The following RALYL variants were observed in gnomAD, a reference collection of about 807,000 sequenced individuals.
The protein encoded by RALYL is RNA-binding Raly-like protein.
Under a neutral mutation model 35.1 loss-of-function variants are expected in RALYL, and 29 were observed. The observed-to-expected ratio is 0.83, with a 90% CI of 0.61 to 1.13. The LOEUF (loss-of-function observed/expected upper bound fraction) is 1.13, where lower values mean the gene tolerates loss of function less well. RALYL is among the 50% of genes most tolerant of loss of function. The probability of loss-of-function intolerance (pLI) is 0.00; values close to 1 mark genes in which losing one functional copy is unlikely to be tolerated. For synonymous variants in RALYL, 120 were observed against 127.6 expected (o/e 0.94, Z 0.40); for missense variants, 359 against 360.4 (o/e 1.00, Z 0.03).
Position 84,204,580 on chromosome 8 carries a change from G to T in RALYL, c.-24+20156G>T, listed in dbSNP as rs578259527. The stretch of plus-strand genomic sequence containing the variant: ...ACCCTGCTTTGTGTTCATCTGTTTG[G>T]TTTTTCTTGTTGTTGTTTCTACAAA... On this transcript the variant is annotated intron_variant, in intron 1 of 8. Coordinates refer to ENST00000521268, the MANE Select transcript of RALYL (RefSeq NM_173848.7). Among the ~76,000 whole-genome samples the T allele has an allele frequency of 6.6e-5, 10 of 152,082 alleles. No individual in the cohort carries two copies. The South Asian group carries it at 1.9e-3, about 28-fold the overall frequency.
chr8:84,258,074 A>G (rs983307212), intron 1 of RALYL, among the ~76,000 whole-genome samples: 3 of 152,128 alleles, frequency 2.0e-5, no homozygotes, highest in Non-Finnish European at 4.4e-5. Context: ...TTGAACTTGG[A>G]AACAGCTTAT....
chr8:84,392,330 A>G (rs143532229), intron 1 of RALYL, among the ~76,000 whole-genome samples: 14 of 152,170 alleles, frequency 9.2e-5, no homozygotes, highest in African/African-American at 2.9e-4. Context: ...CTAAAGATCA[A>G]TTAGTTAAAA....
At chr8:84,558,991 CA>C (rs1392180978) in intron 2 of RALYL, among the ~76,000 whole-genome samples, 1 of 152,082 alleles carries the variant, frequency 6.6e-6, no homozygotes, top group Non-Finnish European at 1.5e-5. Context: ...AAGCCTTCAT[CA>C]CATTTTCATG....
At chr8:84,225,854 A>G (rs1375028498) in intron 1 of RALYL, among the ~76,000 whole-genome samples, 1 of 152,158 alleles carries the variant, frequency 6.6e-6, no homozygotes, top group Non-Finnish European at 1.5e-5. Flanking sequence ...CTTTATTTCT[A>G]TTGTATTATT....
intron 5 of RALYL, among the ~76,000 whole-genome samples, chr8:84,858,552 A>C (rs760971624): frequency 6.6e-6 from 1 of 152,250 alleles, no homozygotes; most frequent in Non-Finnish European, 1.5e-5. Flanking sequence ...CTGGAGATTT[A>C]GATTCCATTT....
chr8:84,917,643 T>C lies in RALYL; in HGVS notation c.859-3251T>C, dbSNP rs556162356. 4.6e-5 allele frequency among the ~76,000 whole-genome samples: 7 copies of C among 151,582 alleles called. No homozygotes were observed. The South Asian group carries it at 1.5e-3, about 32-fold the overall frequency. ...TTTTCTGATTCACTGTCCTATACTC[T>C]AAATGGCCATCAACTCAGGAATAGA... On this transcript the variant is annotated intron_variant, in intron 8 of 8. Coordinates refer to ENST00000521268, the MANE Select transcript of RALYL (RefSeq NM_173848.7).
At chr8:84,792,572 G>A (rs191977696) in intron 3 of RALYL, among the ~76,000 whole-genome samples, 47 of 152,292 alleles carry the variant, frequency 3.1e-4, no homozygotes, top group African/African-American at 1.0e-3. Flanking sequence ...TTAGGGCCAC[G>A]GGTTTCCAGG....
intron 2 of RALYL, among the ~76,000 whole-genome samples, chr8:84,703,172 T>C (rs1410568175): frequency 6.6e-6 from 1 of 152,144 alleles, no homozygotes; most frequent in Non-Finnish European, 1.5e-5. Flanking sequence ...TACTGCAGCA[T>C]GGTGCTCATG....
chr8:84,650,314 C>T (rs146056446), intron 2 of RALYL, among the ~76,000 whole-genome samples: 1,534 of 151,954 alleles, frequency 0.01, 29 homozygotes, highest in African/African-American at 0.034. Context: ...ATTTTTGCAA[C>T]CTACTCATCT....
intron 4 of RALYL, among the ~76,000 whole-genome samples, chr8:84,833,128 A>G (rs1831252051): frequency 1.3e-5 from 2 of 152,116 alleles, no homozygotes; most frequent in African/African-American, 4.8e-5. Context: ...AAACAACCTT[A>G]TTTAATTCAA....
In RALYL at chr8:84,546,827, T is replaced by G. The variant is rs187087791; in HGVS notation, c.256+17250T>G. On this transcript the variant is annotated intron_variant, in intron 2 of 8. Coordinates refer to ENST00000521268, the MANE Select transcript of RALYL (RefSeq NM_173848.7). ...TGGGTAGGGCTCTTGAATGACTTTA[T>G]TTCTTCAGTAATAATTGTGCTTTCT... is the stretch of plus-strand genomic sequence containing the variant. 2.1e-3 allele frequency among the ~76,000 whole-genome samples: 319 copies of G among 152,328 alleles called. 1 individual carries two copies. The highest frequency in any genetic ancestry group is 1.6e-3 in the Non-Finnish European group (106 of 68,030).
chr8:84,905,742 G>C (rs559444883), intron 8 of RALYL, among the ~76,000 whole-genome samples: 1 of 147,728 alleles, frequency 6.8e-6, no homozygotes, highest in Admixed American at 7.0e-5. Context: ...TGTCGCCCAG[G>C]ATGGAGTGCA....
At chr8:84,282,332 T>C (rs1324142925) in intron 1 of RALYL, among the ~76,000 whole-genome samples, 2 of 152,136 alleles carry the variant, frequency 1.3e-5, no homozygotes, top group South Asian at 2.1e-4. Context: ...TTATTACTTT[T>C]GTTCTCCAGT....
intron 2 of RALYL, among the ~76,000 whole-genome samples, chr8:84,700,693 T>C (rs1304240315): frequency 2.0e-5 from 3 of 152,212 alleles, no homozygotes; most frequent in African/African-American, 7.2e-5. Context: ...AAGATGTTTT[T>C]AATATGATAG....
At chr8:84,550,227 C>G (rs2060625063) in intron 2 of RALYL, among the ~76,000 whole-genome samples, 1 of 152,190 alleles carries the variant, frequency 6.6e-6, no homozygotes, top group Non-Finnish European at 1.5e-5. Flanking sequence ...CCTTCTCCCT[C>G]TCTCTCCCCT....
chr8:84,533,731 C>A (rs901199529), intron 2 of RALYL, among the ~76,000 whole-genome samples: 3 of 152,048 alleles, frequency 2.0e-5, no homozygotes, highest in African/African-American at 7.2e-5. Flanking sequence ...AAGTGTCTTG[C>A]AAATGCAGAA....
chr8:84,413,675 A>G (rs1320831075), intron 1 of RALYL, among the ~76,000 whole-genome samples: 1 of 152,118 alleles, frequency 6.6e-6, no homozygotes, highest in Non-Finnish European at 1.5e-5. Flanking sequence ...AAGTTATTAT[A>G]ACTACTGCCT....
At chr8:84,550,061 A>G (rs980513965) in intron 2 of RALYL, among the ~76,000 whole-genome samples, 14 of 152,116 alleles carry the variant, frequency 9.2e-5, no homozygotes, top group African/African-American at 3.4e-4. Flanking sequence ...ACTCATTAAC[A>G]TTTACCCAGA....
In RALYL at chr8:84,615,522, A is replaced by C. The variant is rs189622339; in HGVS notation, c.256+85945A>C. ...TTAATCAGTTTAAACAGTGTACTAC[A>C]AATATAAGTCAATACGTTCTAAGAG... On this transcript the variant is annotated intron_variant, in intron 2 of 8. Coordinates refer to ENST00000521268, the MANE Select transcript of RALYL (RefSeq NM_173848.7). Among the ~76,000 whole-genome samples the C allele has an allele frequency of 8.4e-4, 126 of 150,688 alleles. 2 individuals are homozygous for C. In the East Asian group the frequency reaches 0.023, roughly 27 times the overall value.
Sources: gnomAD v4.1 joint callset for allele counts (sites outside exome capture counted in the v4.1 genomes callset) on GRCh38, gnomAD v4.1.1 for gene constraint, MANE v1.5 for transcripts, NCBI Gene and HGNC (gene_info 2026-07-23, HGNC 2026-07-21) for gene names.